The following FSHR variants were observed in gnomAD, a reference collection of about 807,000 sequenced individuals.
The protein encoded by FSHR is follicle stimulating hormone receptor, also known as follicle-stimulating hormone receptor.
FSHR carries 46 observed loss-of-function variants against 52.1 expected under a neutral mutation model. The ratio of observed to expected loss-of-function variants is 0.88; its 90% CI spans 0.70 to 1.13. FSHR has a LOEUF of 1.13. Among genes scored for constraint, FSHR ranks in the 50% most tolerant of loss-of-function variants. The pLI is 0.00. For missense variants in FSHR, 964 were observed against 834.6 expected (o/e 1.16, Z -1.91); for synonymous variants, 399 against 309.6 (o/e 1.29, Z -3.03).
intron 4 of FSHR, among the ~76,000 whole-genome samples, chr2:49,010,487 C>T (rs571909238): frequency 6.6e-6 from 1 of 152,230 alleles, no homozygotes; most frequent in East Asian, 1.9e-4. Flanking sequence ...GTCTAAAATT[C>T]TCTTTTTTTG....
At chr2:49,048,453 A>C (rs958199343) in intron 2 of FSHR, among the ~76,000 whole-genome samples, 20 of 152,268 alleles carry the variant, frequency 1.3e-4, no homozygotes, top group Admixed American at 7.9e-4. Flanking sequence ...GGGCAGGATT[A>C]GTAGTCAGCG....
intron 1 of FSHR, among the ~76,000 whole-genome samples, chr2:49,096,329 A>T (rs574604926): frequency 2.6e-5 from 4 of 152,336 alleles, no homozygotes; most frequent in Admixed American, 1.3e-4. Flanking sequence ...AAACTTGAAG[A>T]CATTATGCTA....
intron 1 of FSHR, among the ~76,000 whole-genome samples, chr2:49,131,756 A>G (rs1672288278): frequency 6.6e-6 from 1 of 152,200 alleles, no homozygotes; most frequent in African/African-American, 2.4e-5. Context: ...TCCTTCAGGA[A>G]CAAGAACAAT....
chr2:49,052,890 T>G (rs1668922615), intron 2 of FSHR, among the ~76,000 whole-genome samples: 1 of 152,210 alleles, frequency 6.6e-6, no homozygotes, highest in Non-Finnish European at 1.5e-5. Flanking sequence ...ACAGTTCTGG[T>G]TACCTGATTT....
rs2104219832 is a variant in FSHR at position 49,020,105 on chromosome 2, G to T, written c.280C>A (p.Leu94Ile). 5 of 1,613,574 alleles carry T rather than the reference G, an allele frequency of 3.1e-6. No homozygotes were observed. Among genetic ancestry groups the T allele is most frequent in the Non-Finnish European group, 3.4e-6 (4 of 1,179,558 alleles). ...GCTTACATTTCATGTAATTTGGGAA[G>T]GTTGGAGAACACATCTGCCTCTATC... ...EVIEADVFSNLPKLHEIRIEK... is the reference protein window; with the variant it reads ...EVIEADVFSNIPKLHEIRIEK... The change falls in exon 3 of 10, where the codon CTT becomes ATT. Residue 94 changes from leucine (L) to isoleucine (I), a missense_variant. By Grantham distance (5) the Leu-to-Ile change is conservative (BLOSUM62 2). Coordinates refer to ENST00000406846, the MANE Select transcript of FSHR (RefSeq NM_000145.4).
intron 4 of FSHR, among the ~76,000 whole-genome samples, chr2:49,010,709 T>C (rs1279042880): frequency 1.3e-5 from 2 of 152,072 alleles, no homozygotes; most frequent in Non-Finnish European, 2.9e-5. Flanking sequence ...TTTCAGATCC[T>C]GTTATTGGTC....
chr2:48,972,340 G>C (rs992788758), intron 8 of FSHR, among the ~76,000 whole-genome samples: 2 of 152,142 alleles, frequency 1.3e-5, no homozygotes, highest in Non-Finnish European at 2.9e-5. Flanking sequence ...TGGTGGTCCA[G>C]GGCATCTTGT....
chr2:48,969,429 C>G lies in FSHR; in HGVS notation c.669-546G>C, dbSNP rs149616740. 3.1e-3 allele frequency among the ~76,000 whole-genome samples: 474 copies of G among 152,310 alleles called. 6 individuals are homozygous for G. The highest frequency in any genetic ancestry group is 0.011 in the African/African-American group (459 of 41,556). On this transcript the variant is annotated intron_variant, in intron 8 of 9. Coordinates refer to ENST00000406846, the MANE Select transcript of FSHR (RefSeq NM_000145.4). ...GGCAGTACAGAGTGGTGGTTACGAA[C>G]TTGGCGTCTACAGCAGACCTGCCTG...
At chr2:48,984,922 A>T (rs536109606) in intron 6 of FSHR, among the ~76,000 whole-genome samples, 1 of 152,242 alleles carries the variant, frequency 6.6e-6, no homozygotes, top group East Asian at 1.9e-4. Flanking sequence ...TTATATGGGG[A>T]GGAGGATGGT....
chr2:49,091,179 C>T (rs1670594762), intron 1 of FSHR, among the ~76,000 whole-genome samples: 1 of 151,616 alleles, frequency 6.6e-6, no homozygotes, highest in Admixed American at 6.6e-5. Flanking sequence ...TTTTAAAACT[C>T]TTTGCCTAAA....
Position 48,973,267 on chromosome 2 carries a change from C to T in FSHR, c.669-4384G>A, listed in dbSNP as rs182673551. 4.9e-3 allele frequency among the ~76,000 whole-genome samples: 470 copies of T among 95,216 alleles called. 6 individuals carry two copies. The highest frequency in any genetic ancestry group is 0.034 in the African/African-American group (455 of 13,266). The allele number at this position is 95,216 out of a possible 152,430, so 62.5% of individuals were successfully genotyped here. On this transcript the variant is annotated intron_variant, in intron 8 of 9. Transcript: ENST00000406846. ...AGAGAAGACACCACACACACACACA[C>T]ACATGCACATGCAAATGCACATGCA...
chr2:49,150,564 A>T (rs147296734), intron 1 of FSHR, among the ~76,000 whole-genome samples: 2 of 152,092 alleles, frequency 1.3e-5, no homozygotes, highest in Non-Finnish European at 2.9e-5. Context: ...TTAGGCACAC[A>T]TGGTGATTTC....
At position 49,057,887 on chromosome 2, in the gene FSHR, G is replaced by T. The variant is rs1369892394; in HGVS notation, c.224+10332C>A. On this transcript the variant is annotated intron_variant, in intron 2 of 9. Transcript: ENST00000406846. The stretch of plus-strand genomic sequence containing the variant: ...TTAACATATGCAAATTAGTAAACAT[G>T]ATACATTAAAGCAACAGAATGAAGG... 2.0e-5 allele frequency among the ~76,000 whole-genome samples: 3 copies of T among 152,108 alleles called. No homozygotes were observed. The East Asian group carries it at 5.8e-4, about 29-fold the overall frequency.
At chr2:49,120,449 T>C (rs894360282) in intron 1 of FSHR, among the ~76,000 whole-genome samples, 1 of 152,188 alleles carries the variant, frequency 6.6e-6, no homozygotes, top group Non-Finnish European at 1.5e-5. Context: ...GACAGGATGG[T>C]CTTTTGTAGT....
chr2:49,000,138 C>T (rs1228451909), intron 4 of FSHR, among the ~76,000 whole-genome samples: 1 of 152,052 alleles, frequency 6.6e-6, no homozygotes, highest in East Asian at 1.9e-4. Flanking sequence ...TTACTCTCCA[C>T]CACCAAGTTT....
At chr2:49,127,799 CTTCTTCTTCT>C (rs1672077226) in intron 1 of FSHR, among the ~76,000 whole-genome samples, 2 of 55,396 alleles carry the variant, frequency 3.6e-5, no homozygotes. Flanking sequence ...TCTTCTTCTT[CTTCTTCTTCT>C]TCTTCTTCTT....
At chr2:49,103,125 C>T (rs570167121) in intron 1 of FSHR, among the ~76,000 whole-genome samples, 1 of 152,102 alleles carries the variant, frequency 6.6e-6, no homozygotes, top group Non-Finnish European at 1.5e-5. Context: ...TCTTATCTCT[C>T]CTCCCCTCCC....
chr2:49,121,215 C>T (rs1443142227), intron 1 of FSHR, among the ~76,000 whole-genome samples: 1 of 152,222 alleles, frequency 6.6e-6, no homozygotes, highest in Admixed American at 6.5e-5. Context: ...TACCTTTGGG[C>T]TTCAAAGTTT....
At chr2:49,136,951 C>G (rs1383055249) in intron 1 of FSHR, among the ~76,000 whole-genome samples, 1 of 152,048 alleles carries the variant, frequency 6.6e-6, no homozygotes, top group Non-Finnish European at 1.5e-5. Context: ...AGATCAGGAC[C>G]AAGACAACGA....
Sources: allele counts gnomAD v4.1 joint callset (sites outside exome capture counted in the v4.1 genomes callset), GRCh38; gene constraint gnomAD v4.1.1; transcripts MANE v1.5; gene names NCBI Gene and HGNC (gene_info 2026-07-23, HGNC 2026-07-21).